Variants in SH3RF1 observed in about 807,000 individuals in gnomAD.
SH3RF1 encodes the protein SH3 domain containing ring finger 1, also known as E3 ubiquitin-protein ligase SH3RF1.
In SH3RF1, 32 loss-of-function variants were observed where a neutral mutation model predicts 74.0. The ratio of observed to expected loss-of-function variants is 0.43; its 90% CI spans 0.33 to 0.58. SH3RF1 has a LOEUF of 0.58. SH3RF1 is among the 20% of genes least tolerant of loss of function. The pLI is 0.05. For synonymous variants in SH3RF1, 396 were observed against 439.6 expected (o/e 0.90, Z 1.24); for missense variants, 954 against 1,130.9 (o/e 0.84, Z 2.24).
intron 4 of SH3RF1, among the ~76,000 whole-genome samples, chr4:169,140,583 A>G (rs1733767931): frequency 6.6e-6 from 1 of 152,246 alleles, no homozygotes; most frequent in African/African-American, 2.4e-5. Flanking sequence ...AAGTATAAAT[A>G]AATATGAGAT....
At chr4:169,119,933 C>G (rs1269880449) in intron 8 of SH3RF1, among the ~76,000 whole-genome samples, 1 of 152,158 alleles carries the variant, frequency 6.6e-6, no homozygotes, top group African/African-American at 2.4e-5. Flanking sequence ...GGCTTCTTTC[C>G]TCAGTGACCA....
At position 169,217,964 on chromosome 4, in the gene SH3RF1, C is replaced by A. The variant is rs528153723; in HGVS notation, c.393+50856G>T. ...AGAACATTCCTATGGTTTTCCAAAT[C>A]ATCACAACACAAATAATATTCTTTT... On this transcript the variant is annotated intron_variant, in intron 2 of 11. Coordinates refer to ENST00000284637, the MANE Select transcript of SH3RF1 (RefSeq NM_020870.4). Among the ~76,000 whole-genome samples the A allele has an allele frequency of 1.4e-3, 209 of 152,096 alleles. 1 individual carries two copies. Among genetic ancestry groups the A allele is most frequent in the African/African-American group, 4.8e-3 (198 of 41,508 alleles).
chr4:169,118,147 A>G (rs1370715344), intron 8 of SH3RF1, among the ~76,000 whole-genome samples: 1 of 152,158 alleles, frequency 6.6e-6, no homozygotes, highest in Admixed American at 6.5e-5. Flanking sequence ...CCCCATTTCC[A>G]TATCTTTGCT....
chr4:169,190,681 C>T (rs372906095), intron 2 of SH3RF1, among the ~76,000 whole-genome samples: 2 of 152,194 alleles, frequency 1.3e-5, no homozygotes, highest in Non-Finnish European at 2.9e-5. Flanking sequence ...GACACTATTC[C>T]GCAAGACAGA....
intron 2 of SH3RF1, among the ~76,000 whole-genome samples, chr4:169,245,752 T>TTATTCTGCAGGATATTCTATAAA (rs1730986511): frequency 6.6e-6 from 1 of 152,190 alleles, no homozygotes; most frequent in Non-Finnish European, 1.5e-5. Context: ...ACTGTAACCT[T>TTATTCTGCAGGATATTCTATAAA]GTAACTGCAG....
chr4:169,146,684 C>T (rs1253433784), intron 4 of SH3RF1, among the ~76,000 whole-genome samples: 1 of 151,956 alleles, frequency 6.6e-6, no homozygotes, highest in Non-Finnish European at 1.5e-5. Flanking sequence ...AGTAAGAAAG[C>T]AGAGGCAGAG....
intron 5 of SH3RF1, among the ~76,000 whole-genome samples, chr4:169,134,888 T>C (rs547873509): frequency 6.6e-6 from 1 of 152,226 alleles, no homozygotes; most frequent in African/African-American, 2.4e-5. Flanking sequence ...ACTGCACTCA[T>C]GTTCTAGTTG....
chr4:169,193,966 C>T (rs1023262565), intron 2 of SH3RF1, among the ~76,000 whole-genome samples: 14 of 152,122 alleles, frequency 9.2e-5, no homozygotes, highest in African/African-American at 3.1e-4. Context: ...TGTACTAAGA[C>T]AATCTCAAGG....
intron 2 of SH3RF1, among the ~76,000 whole-genome samples, chr4:169,252,133 C>A (rs149151138): frequency 1.4e-3 from 211 of 152,270 alleles, no homozygotes; most frequent in African/African-American, 4.6e-3. Flanking sequence ...AGAGGGCCTG[C>A]GTTTTCACAT....
At chr4:169,163,997 A>G (rs1734192248) in intron 2 of SH3RF1, among the ~76,000 whole-genome samples, 1 of 152,188 alleles carries the variant, frequency 6.6e-6, no homozygotes, top group Non-Finnish European at 1.5e-5. Context: ...TGTGACAGCC[A>G]CTACTTGTCC....
intron 11 of SH3RF1, among the ~76,000 whole-genome samples, chr4:169,106,481 G>A (rs1038077713): frequency 9.8e-5 from 14 of 143,384 alleles, no homozygotes; most frequent in African/African-American, 3.5e-4. Context: ...TAATAAAAAA[G>A]GCAAAAAATT....
intron 4 of SH3RF1, among the ~76,000 whole-genome samples, chr4:169,149,543 C>T (rs537267840): frequency 4.6e-5 from 7 of 152,246 alleles, no homozygotes; most frequent in African/African-American, 9.6e-5. Context: ...TGCTAAGCAA[C>T]GAGTAATTCT....
intron 2 of SH3RF1, among the ~76,000 whole-genome samples, chr4:169,221,316 A>G (rs748070376): frequency 3.9e-5 from 6 of 152,196 alleles, no homozygotes; most frequent in Non-Finnish European, 8.8e-5. Context: ...GAATGTAAAA[A>G]AAAAATAGGT....
At chr4:169,200,049 C>G (rs999075651) in intron 2 of SH3RF1, among the ~76,000 whole-genome samples, 1 of 151,486 alleles carries the variant, frequency 6.6e-6, no homozygotes, top group Admixed American at 6.6e-5. Flanking sequence ...AAAATGGACT[C>G]CATCCAAAAA....
intron 2 of SH3RF1, among the ~76,000 whole-genome samples, chr4:169,195,064 G>T (rs756149549): frequency 1.7e-4 from 26 of 152,074 alleles, no homozygotes; most frequent in Non-Finnish European, 3.1e-4. Context: ...TTTTTATCCT[G>T]CCTAAATAAC....
intron 2 of SH3RF1, among the ~76,000 whole-genome samples, chr4:169,241,176 G>A (rs989553703): frequency 6.6e-6 from 1 of 152,212 alleles, no homozygotes; most frequent in Non-Finnish European, 1.5e-5. Flanking sequence ...ATTGCAGTGA[G>A]CCGAGATCGC....
chr4:169,128,967 C>A (rs572580906), intron 6 of SH3RF1, among the ~76,000 whole-genome samples: 1 of 152,270 alleles, frequency 6.6e-6, no homozygotes, highest in Non-Finnish European at 1.5e-5. Context: ...GAAGTAGATA[C>A]TTATTTTATG....
At chr4:169,183,563 G>T (rs1166602247) in intron 2 of SH3RF1, among the ~76,000 whole-genome samples, 1 of 151,956 alleles carries the variant, frequency 6.6e-6, no homozygotes, top group Non-Finnish European at 1.5e-5. Context: ...TTACAGACGT[G>T]AGCCACCATG....
chr4:169,115,955 G>A (rs552206187), intron 10 of SH3RF1, among the ~76,000 whole-genome samples: 25 of 152,300 alleles, frequency 1.6e-4, no homozygotes, highest in Admixed American at 3.9e-4. Context: ...ATTCCTCCAC[G>A]AGACTGTAAG....
Sources: allele counts gnomAD v4.1 joint callset (sites outside exome capture counted in the v4.1 genomes callset), GRCh38; gene constraint gnomAD v4.1.1; transcripts MANE v1.5; gene names NCBI Gene and HGNC (gene_info 2026-07-23, HGNC 2026-07-21).